The following CEP350 variants were observed in gnomAD, a reference collection of about 807,000 sequenced individuals.
CEP350 encodes the protein centrosomal protein 350, also known as centrosome-associated protein 350.
A neutral mutation model predicts 331.8 loss-of-function variants in CEP350; 126 were observed. The ratio of observed to expected loss-of-function variants is 0.38; its 90% CI spans 0.33 to 0.44. CEP350 has a LOEUF of 0.44. Among genes scored for constraint, CEP350 ranks in the 20% least tolerant of loss-of-function variants. The pLI is 1.00. For synonymous variants in CEP350, 1,200 were observed against 1,259.5 expected (o/e 0.95, Z 1.00); for missense variants, 3,406 against 3,634.6 (o/e 0.94, Z 1.62).
intron 29 of CEP350, 91 bp downstream of exon 29, chr1:180,078,765 G>GTCA: frequency 5.9e-6 from 6 of 1,015,682 alleles, no homozygotes; most frequent in Non-Finnish European, 8.6e-6. Flanking sequence ...TAATGACAGT[G>GTCA]TTAACTGTCA....
At position 180,054,503 on chromosome 1, in the gene CEP350, G is replaced by A; in HGVS notation, c.5262+1G>A. 6.3e-7 allele frequency: 1 copy of A among 1,593,514 alleles called. No homozygotes were observed. The highest frequency in any genetic ancestry group is 1.1e-5 in the South Asian group (1 of 87,332). On this transcript the variant is annotated splice_donor_variant, in intron 25 of 37. Coordinates refer to ENST00000367607, the MANE Select transcript of CEP350 (RefSeq NM_014810.5). LOFTEE classifies it high-confidence loss of function. The stretch of plus-strand genomic sequence containing the variant: ...GCTTTTAAGGTTGCAGCAAGAAAAG[G>A]TATGTTAGGGAAGGCACCCCTTTAG...
intron 33 of CEP350, among the ~76,000 whole-genome samples, chr1:180,091,745 G>A (rs751721222): frequency 7.3e-5 from 11 of 151,474 alleles, no homozygotes; most frequent in Non-Finnish European, 1.3e-4. Context: ...CAGGAAGATC[G>A]CTTACACCCA....
chr1:180,078,677 A>G lies in CEP350; in HGVS notation c.5979+3A>G. 1 of 1,588,500 alleles carries G rather than the reference A, an allele frequency of 6.3e-7. No homozygotes were observed. Among genetic ancestry groups the G allele is most frequent in the Non-Finnish European group, 8.6e-7 (1 of 1,166,666 alleles). On this transcript the variant is annotated splice_donor_region_variant and intron_variant, in intron 29 of 37. Coordinates refer to ENST00000367607, the MANE Select transcript of CEP350 (RefSeq NM_014810.5). ...CTTCTACCTCTCCTAGTAAACATGTAAGTTAATGTATATTTATATCTTAAA... is the reference window on the plus strand; with the variant it reads ...CTTCTACCTCTCCTAGTAAACATGTGAGTTAATGTATATTTATATCTTAAA...
Position 179,955,152 on chromosome 1 carries a change from T to C in CEP350, c.-14+10T>C. On this transcript the variant is annotated intron_variant, in intron 1 of 37. Coordinates refer to ENST00000367607, the MANE Select transcript of CEP350 (RefSeq NM_014810.5). ...GAGGCGACACTCTCAGGTGAGCTCC[T>C]GTAGGACCTGGCTGGGACCGCGGAG... 5 of 1,439,730 alleles carry C rather than the reference T, an allele frequency of 3.5e-6. No homozygotes were observed. Among genetic ancestry groups the C allele is most frequent in the Non-Finnish European group, 4.6e-6 (5 of 1,092,830 alleles). 89.2% of individuals were successfully genotyped at this position (1,439,730 alleles called of 1,614,324 possible).
chr1:180,024,939 T>C (rs1655569262), intron 14 of CEP350, among the ~76,000 whole-genome samples: 1 of 151,902 alleles, frequency 6.6e-6, no homozygotes, highest in Non-Finnish European at 1.5e-5. Context: ...TTTTTTTTTT[T>C]TTTGAGACGG....
At chr1:179,991,724 T>C (rs1229128343) in intron 4 of CEP350, among the ~76,000 whole-genome samples, 3 of 147,604 alleles carry the variant, frequency 2.0e-5, no homozygotes, top group African/African-American at 5.0e-5. Flanking sequence ...TATATATATA[T>C]ACATTTTTTT....
chr1:180,065,610 C>T lies in CEP350; in HGVS notation c.5567+338C>T, dbSNP rs564950645. Reference sequence around the variant, plus strand: ...CAGCCTGGGCAACGTAGTGAGACCCCGTCTTTAAAAAAAAAAAATTAGCTG... The same window carrying T: ...CAGCCTGGGCAACGTAGTGAGACCCTGTCTTTAAAAAAAAAAAATTAGCTG... On this transcript the variant is annotated intron_variant, in intron 27 of 37. Coordinates refer to ENST00000367607, the MANE Select transcript of CEP350 (RefSeq NM_014810.5). 1.1e-3 allele frequency among the ~76,000 whole-genome samples: 166 copies of T among 151,340 alleles called. 2 individuals carry two copies. The highest frequency in any genetic ancestry group is 3.4e-3 in the South Asian group (16 of 4,776).
intron 1 of CEP350, among the ~76,000 whole-genome samples, chr1:179,974,859 C>T (rs756123865): frequency 2.6e-5 from 4 of 152,004 alleles, no homozygotes; most frequent in African/African-American, 7.3e-5. Flanking sequence ...GACATGGTGG[C>T]GCATGCCTGT....
At chr1:180,017,384 T>C (rs1303307893) in intron 11 of CEP350, among the ~76,000 whole-genome samples, 1 of 152,228 alleles carries the variant, frequency 6.6e-6, no homozygotes, top group Non-Finnish European at 1.5e-5. Flanking sequence ...TTTTTCTAAG[T>C]GTCGTCTCTG....
At chr1:179,973,839 C>G (rs749752089) in intron 1 of CEP350, among the ~76,000 whole-genome samples, 14 of 151,384 alleles carry the variant, frequency 9.2e-5, no homozygotes, top group Non-Finnish European at 1.5e-5. Context: ...ATTTCTTTTT[C>G]TCCCCCTCAT....
chr1:179,988,395 T>G (rs1386307685), intron 3 of CEP350, among the ~76,000 whole-genome samples: 2 of 152,304 alleles, frequency 1.3e-5, no homozygotes, highest in Non-Finnish European at 1.5e-5. Flanking sequence ...ACCAACTTCT[T>G]GAATAGACTG....
At chr1:180,015,750 A>G in intron 10 of CEP350, 99 bp from the exon 11 acceptor site, 2 of 1,330,574 alleles carry the variant, frequency 1.5e-6, no homozygotes, top group Non-Finnish European at 2.0e-6. Context: ...ACATTTTATG[A>G]TCTTTGTAGA....
At chr1:180,061,593 C>T (rs1658233979) in intron 25 of CEP350, among the ~76,000 whole-genome samples, 1 of 152,210 alleles carries the variant, frequency 6.6e-6, no homozygotes, top group South Asian at 2.1e-4. Flanking sequence ...GCCCACATAG[C>T]AACTGAAAAC....
In CEP350 at chr1:180,034,077, T is replaced by C. The variant is rs767820377; in HGVS notation, c.3941T>C (p.Ile1314Thr). ...SRTTTENMAPIPGSKRFSPAG... is the reference protein window; with the variant it reads ...SRTTTENMAPTPGSKRFSPAG... Reference sequence around the variant, plus strand: ...ACAACGACAGAGAACATGGCTCCAATACCAGGTAAGTAGATTCATGCAATT... The same window carrying C: ...ACAACGACAGAGAACATGGCTCCAACACCAGGTAAGTAGATTCATGCAATT... Residue 1314 changes from isoleucine (I) to threonine (T), a missense_variant, in exon 16 of 38, where the codon ATA becomes ACA. Physicochemically the swap from Ile to Thr is moderately conservative, Grantham distance 89 (BLOSUM62 -1). This residue lies in a region of CEP350 where 1,857 missense variants were observed against 1,909.2 expected (regional missense o/e 0.97). Transcript: ENST00000367607. 3.7e-6 allele frequency: 6 copies of C among 1,613,340 alleles called. No homozygotes were observed. Among genetic ancestry groups the C allele is most frequent in the Non-Finnish European group, 5.1e-6 (6 of 1,179,602 alleles).
intron 23 of CEP350, 130 bp downstream of exon 23, chr1:180,053,296 A>G: frequency 3.8e-6 from 2 of 529,768 alleles, no homozygotes; most frequent in Non-Finnish European, 6.5e-6. Flanking sequence ...GTTTTATTTT[A>G]TAGTTTTCCT....
At chr1:179,960,667 A>G (rs1223809606) in intron 1 of CEP350, among the ~76,000 whole-genome samples, 2 of 152,224 alleles carry the variant, frequency 1.3e-5, no homozygotes, top group Admixed American at 1.3e-4. Flanking sequence ...GCAAAAATCA[A>G]TTTGGAACAG....
At chr1:180,003,075 T>G in intron 6 of CEP350, 99 bp from the exon 7 acceptor site, 1 of 733,664 alleles carries the variant, frequency 1.4e-6, no homozygotes, top group Non-Finnish European at 2.2e-6. Flanking sequence ...AAAGAGTGAA[T>G]TTTATGTATG....
rs972540046 is a variant in CEP350, at chr1:180,020,111, A to G, written c.2337A>G (p.Leu779=). Residue 779 remains leucine (L), a synonymous_variant, in exon 12 of 38, where the codon TTA becomes TTG. Transcript: ENST00000367607. ...GILHKDFESI[L]PTRKNHNMAS... ...TGCATAAGGATTTTGAATCTATTTT[A>G]CCAACCAGGAAGAATCATAATATGG... 5.0e-6 allele frequency: 8 copies of G among 1,614,014 alleles called. No homozygotes were observed. The highest frequency in any genetic ancestry group is 6.8e-6 in the Non-Finnish European group (8 of 1,179,882).
At chr1:180,066,105 T>G (rs1270793084) in intron 27 of CEP350, among the ~76,000 whole-genome samples, 1 of 152,206 alleles carries the variant, frequency 6.6e-6, no homozygotes, top group East Asian at 1.9e-4. Context: ...AGAATTATTT[T>G]GTAAAGACTC....
Sources: gnomAD v4.1 joint callset for allele counts (sites outside exome capture counted in the v4.1 genomes callset) on GRCh38, gnomAD v4.1.1 for gene constraint, gnomAD v4.1.1 regional missense constraint, MANE v1.5 for transcripts, NCBI Gene and HGNC (gene_info 2026-07-23, HGNC 2026-07-21) for gene names.